LARGE1: variants seen among roughly 807,000 people sequenced by gnomAD.
LARGE1 encodes LARGE xylosyl- and glucuronyltransferase 1, also known as xylosyl- and glucuronyltransferase LARGE1.
LARGE1 carries 43 observed loss-of-function variants against 87.6 expected under a neutral mutation model. That is an observed-to-expected ratio of 0.49 (90% CI 0.38 to 0.63). The LOEUF (loss-of-function observed/expected upper bound fraction) is 0.63. Among genes scored for constraint, LARGE1 ranks in the 30% least tolerant of loss-of-function variants. The pLI, the probability that LARGE1 is intolerant of heterozygous loss-of-function variation, is 0.00. For synonymous variants in LARGE1, 434 were observed against 394.6 expected (o/e 1.10, Z -1.18); for missense variants, 802 against 1,000.2 (o/e 0.80, Z 2.67).
chr22:33,420,859 A>G (rs2066666141), intron 7 of LARGE1, among the ~76,000 whole-genome samples: 1 of 152,228 alleles, frequency 6.6e-6, no homozygotes, highest in South Asian at 2.1e-4. Context: ...ACACAGACGT[A>G]ATCCTCTTTC....
intron 7 of LARGE1, among the ~76,000 whole-genome samples, chr22:33,408,474 T>G (rs2066183341): frequency 6.6e-6 from 1 of 152,166 alleles, no homozygotes; most frequent in South Asian, 2.1e-4. Flanking sequence ...TAGAGTCTGT[T>G]TCATTATCAG....
intron 1 of LARGE1, chr22:33,861,464 C>A (rs1341735292): frequency 6.6e-6 from 1 of 152,148 alleles, no homozygotes; most frequent in African/African-American, 2.4e-5. Context: ...ATCATAACAG[C>A]GAATGTAGCA....
chr22:33,138,012 C>A, the LARGE1 span, among the ~76,000 whole-genome samples: 3 of 152,276 alleles, frequency 2.0e-5, no homozygotes, highest in East Asian at 5.8e-4. Context: ...AAGAAGTCCA[C>A]CATCCTCCAG....
chr22:33,829,494 C>T (rs2267299), intron 1 of LARGE1, among the ~76,000 whole-genome samples: 27,938 of 152,062 alleles, frequency 0.18, 3,166 homozygotes, highest in Admixed American at 0.34. Context: ...TTCGCTCATT[C>T]CTGTATCCCC....
chr22:33,577,163 G>A (rs2078378748), intron 5 of LARGE1, among the ~76,000 whole-genome samples: 1 of 152,102 alleles, frequency 6.6e-6, no homozygotes, highest in Non-Finnish European at 1.5e-5. Flanking sequence ...ACAAAAGTTG[G>A]TTCTTGTGGG....
chr22:33,629,084 T>G (rs1217752119), intron 3 of LARGE1, among the ~76,000 whole-genome samples: 1 of 152,184 alleles, frequency 6.6e-6, no homozygotes. Flanking sequence ...GGCTAATTTA[T>G]GCATATTTTA....
chr22:33,872,488 C>T (rs1250506897), intron 1 of LARGE1, among the ~76,000 whole-genome samples: 1 of 151,962 alleles, frequency 6.6e-6, no homozygotes, highest in African/African-American at 2.4e-5. Context: ...CCAGTGTCAT[C>T]ATCGCCATCC....
At chr22:33,905,104 C>CA (rs1375620736) in intron 1 of LARGE1, among the ~76,000 whole-genome samples, 2 of 127,572 alleles carry the variant, frequency 1.6e-5, no homozygotes, top group Non-Finnish European at 3.1e-5. Context: ...CTTGCTCTGT[C>CA]ACCCAGACTG....
intron 12 of LARGE1, among the ~76,000 whole-genome samples, chr22:33,292,571 GA>G (rs1932760631): frequency 6.6e-6 from 1 of 152,154 alleles, no homozygotes; most frequent in South Asian, 2.1e-4. Context: ...ACAAAAGGGA[GA>G]GGGGAGAGCA....
At chr22:33,413,417 G>A (rs552625904) in intron 7 of LARGE1, among the ~76,000 whole-genome samples, 7 of 151,424 alleles carry the variant, frequency 4.6e-5, no homozygotes, top group Middle Eastern at 3.4e-3. Context: ...CCTCTCCCCC[G>A]AAACACTCTG....
intron 1 of LARGE1, among the ~76,000 whole-genome samples, chr22:33,823,488 G>C (rs1381080745): frequency 6.6e-6 from 1 of 152,162 alleles, no homozygotes; most frequent in Non-Finnish European, 1.5e-5. Flanking sequence ...AATTACAATA[G>C]CTTATCTAAG....
chr22:33,428,361 G>C (rs1332199188), intron 7 of LARGE1, among the ~76,000 whole-genome samples: 5 of 148,556 alleles, frequency 3.4e-5, no homozygotes, highest in African/African-American at 1.2e-4. Context: ...CTGTCGCCCA[G>C]CTGGAGTGCA....
chr22:33,562,300 T>A (rs1162049899), intron 6 of LARGE1, among the ~76,000 whole-genome samples: 1 of 152,174 alleles, frequency 6.6e-6, no homozygotes, highest in East Asian at 1.9e-4. Flanking sequence ...AGGGTGGGCA[T>A]GGGAAAACTT....
At chr22:33,514,190 T>G (rs527754703) in intron 6 of LARGE1, among the ~76,000 whole-genome samples, 106 of 152,112 alleles carry the variant, frequency 7.0e-4, no homozygotes, top group African/African-American at 2.5e-3. Flanking sequence ...GCATATATGT[T>G]TATGTGAACC....
At chr22:33,866,776 C>T (rs1426912990) in intron 1 of LARGE1, among the ~76,000 whole-genome samples, 2 of 152,052 alleles carry the variant, frequency 1.3e-5, no homozygotes, top group Non-Finnish European at 2.9e-5. Context: ...AAAGCACCTC[C>T]CACAGGCCCA....
chr22:33,586,418 C>T (rs541364998), intron 5 of LARGE1, among the ~76,000 whole-genome samples: 19 of 151,912 alleles, frequency 1.3e-4, no homozygotes, highest in African/African-American at 4.1e-4. Context: ...CCTGTGAATA[C>T]GCCATGCTGC....
the LARGE1 span, among the ~76,000 whole-genome samples, chr22:33,084,847 T>G: frequency 6.6e-6 from 1 of 152,238 alleles, no homozygotes; most frequent in Non-Finnish European, 1.5e-5. Context: ...ACTAGATAGT[T>G]CACATTCTTT....
chr22:33,556,516 A>AAGGGAGGGAGGG (rs1399464851), intron 6 of LARGE1, among the ~76,000 whole-genome samples: 44 of 78,974 alleles, frequency 5.6e-4, no homozygotes, highest in Non-Finnish European at 7.8e-4. Flanking sequence ...AGAAGGAAGG[A>AAGGGAGGGAGGG]AGGGAGGGAG....
chr22:33,264,059 T>C (rs1482411273), intron 11 of LARGE1, among the ~76,000 whole-genome samples: 1 of 152,214 alleles, frequency 6.6e-6, no homozygotes, highest in East Asian at 1.9e-4. Context: ...GAACTATGAC[T>C]GAAGCATAGC....
Sources: allele counts gnomAD v4.1 joint callset (sites outside exome capture counted in the v4.1 genomes callset), GRCh38; gene constraint gnomAD v4.1.1; transcripts MANE v1.5; gene names NCBI Gene and HGNC (gene_info 2026-07-23, HGNC 2026-07-21).